SNAP91: variants seen among roughly 807,000 people sequenced by gnomAD.
SNAP91 encodes the protein synaptosome associated protein 91.
A neutral mutation model predicts 100.3 loss-of-function variants in SNAP91; 27 were observed. The ratio of observed to expected loss-of-function variants is 0.27; its 90% CI spans 0.20 to 0.37. The LOEUF is 0.37. SNAP91 is among the 10% of genes least tolerant of loss of function. The probability of loss-of-function intolerance (pLI) is 1.00; values close to 1 mark genes in which losing one functional copy is unlikely to be tolerated. For synonymous variants in SNAP91, 404 were observed against 398.6 expected, an observed-to-expected ratio of 1.01 and a Z score of -0.16; for missense variants, 986 against 1,123.7, an observed-to-expected ratio of 0.88 and a Z score of 1.75.
At chr6:83,607,329 TTGTGTGTGTGTGTGTGTG>T (rs61335064) in intron 13 of SNAP91, among the ~76,000 whole-genome samples, 11 of 144,792 alleles carry the variant, frequency 7.6e-5, no homozygotes, top group African/African-American at 1.3e-4. Context: ...CCAAGTTGGG[TTGTGTGTGTGTGTGTGTG>T]TGTGTGTGTG....
At chr6:83,621,054 G>A (rs1374623008) in intron 9 of SNAP91, among the ~76,000 whole-genome samples, 1 of 63,952 alleles carries the variant, frequency 1.6e-5, no homozygotes, top group Non-Finnish European at 3.0e-5. Flanking sequence ...AAATCTTTTA[G>A]GGTTGGGGAT....
intron 2 of SNAP91, chr6:83,678,941 A>C: frequency 9.5e-7 from 1 of 1,052,038 alleles, no homozygotes; most frequent in South Asian, 2.1e-5. Context: ...ATAATATCTA[A>C]GTGAAATGAA....
chr6:83,659,602 A>T (rs2098492608), intron 5 of SNAP91, among the ~76,000 whole-genome samples: 1 of 151,544 alleles, frequency 6.6e-6, no homozygotes, highest in Non-Finnish European at 1.5e-5. Context: ...TTTTTAAAAA[A>T]TTTGTTTTGG....
At chr6:83,602,343 T>C (rs2095313050) in intron 14 of SNAP91, among the ~76,000 whole-genome samples, 1 of 152,160 alleles carries the variant, frequency 6.6e-6, no homozygotes, top group Non-Finnish European at 1.5e-5. Context: ...AAAATGTGTG[T>C]TGGTACCTAT....
At position 83,561,608 on chromosome 6, in the gene SNAP91, A is replaced by AACTT. The variant is rs1224338321; in HGVS notation, c.2443-665_2443-662dup. The stretch of plus-strand genomic sequence containing the variant: ...ACCCATCCTCCCTGGAAATGAGTCA[A>AACTT]ACTTCCCTAAGCTTGTCTTTTCCTA... On this transcript the variant is annotated intron_variant, in intron 26 of 29. Coordinates refer to ENST00000369694, the MANE Select transcript of SNAP91 (RefSeq NM_001242792.2). Among the ~76,000 whole-genome samples, 10 of 152,178 alleles carry AACTT rather than the reference A, an allele frequency of 6.6e-5. 1 individual carries two copies. Among genetic ancestry groups the AACTT allele is most frequent in the Admixed American group, 5.9e-4 (9 of 15,268 alleles).
intron 2 of SNAP91, among the ~76,000 whole-genome samples, chr6:83,672,983 T>A (rs1015724523): frequency 6.6e-6 from 1 of 152,112 alleles, no homozygotes; most frequent in Non-Finnish European, 1.5e-5. Flanking sequence ...ATAATCATCT[T>A]GTAAACTTGA....
chr6:83,705,570 CA>C (rs971311186), intron 2 of SNAP91, among the ~76,000 whole-genome samples: 1 of 152,018 alleles, frequency 6.6e-6, no homozygotes, highest in Non-Finnish European at 1.5e-5. Flanking sequence ...TTTGGGAGGC[CA>C]AGGTGGGCAG....
intron 2 of SNAP91, among the ~76,000 whole-genome samples, chr6:83,695,175 G>A (rs1298395424): frequency 6.6e-6 from 1 of 150,748 alleles, no homozygotes; most frequent in Non-Finnish European, 1.5e-5. Context: ...TACTAGGGAG[G>A]CTGAGAGAGG....
chr6:83,559,365 A>G (rs1783669835), intron 28 of SNAP91, among the ~76,000 whole-genome samples: 1 of 152,218 alleles, frequency 6.6e-6, no homozygotes, highest in Non-Finnish European at 1.5e-5. Context: ...CTGCATGTGT[A>G]CTGTCACATG....
chr6:83,604,011 T>C (rs1263585348), intron 14 of SNAP91, among the ~76,000 whole-genome samples: 1 of 152,236 alleles, frequency 6.6e-6, no homozygotes, highest in African/African-American at 2.4e-5. Flanking sequence ...AAATGTTATA[T>C]TGCAATTCAA....
chr6:83,585,407 C>G (rs528866426), intron 22 of SNAP91, among the ~76,000 whole-genome samples: 7 of 152,056 alleles, frequency 4.6e-5, no homozygotes, highest in Admixed American at 2.0e-4. Context: ...CATGTGCCTG[C>G]AGTCCCAGCT....
intron 2 of SNAP91, among the ~76,000 whole-genome samples, chr6:83,673,747 C>T (rs2098821281): frequency 6.6e-6 from 1 of 152,212 alleles, no homozygotes; most frequent in Admixed American, 6.6e-5. Context: ...TCTTTGCCAG[C>T]AGAATCCTGC....
At chr6:83,601,511 AT>A in intron 15 of SNAP91, 73 bp from the exon 16 acceptor site, 1 of 1,610,710 alleles carries the variant, frequency 6.2e-7, no homozygotes. Flanking sequence ...CAGACTCCAA[AT>A]GATCAAAATA....
rs752134395 is a variant in SNAP91 at position 83,617,051 on chromosome 6, A to C, written c.808-12T>G. ...AGACTGCTGGGAGCCTACAATAAGAAAGTAAAAATAAATGTCTGCATTGTT... is the reference window on the plus strand; with the variant it reads ...AGACTGCTGGGAGCCTACAATAAGACAGTAAAAATAAATGTCTGCATTGTT... On this transcript the variant is annotated splice_polypyrimidine_tract_variant and intron_variant, in intron 9 of 29. Transcript: ENST00000369694. 4.6e-6 allele frequency: 7 copies of C among 1,517,206 alleles called. No homozygotes were observed. The South Asian group carries it at 8.6e-5, about 19-fold the overall frequency. The allele number at this position is 1,517,206 out of a possible 1,614,324, so 94.0% of individuals were successfully genotyped here.
chr6:83,684,678 A>G (rs1046778037), intron 2 of SNAP91, among the ~76,000 whole-genome samples: 6 of 152,342 alleles, frequency 3.9e-5, no homozygotes, highest in African/African-American at 1.4e-4. Context: ...AGTGGATATG[A>G]AACAAGTCTT....
chr6:83,583,693 A>G (rs3798875), intron 22 of SNAP91, among the ~76,000 whole-genome samples: 69,002 of 151,934 alleles, frequency 0.45, 15,833 homozygotes, highest in South Asian at 0.51. Flanking sequence ...ATCCAGCCAC[A>G]TTGTCTCTTC....
Position 83,707,847 on chromosome 6 carries a change from G to A in SNAP91, c.81C>T (p.Cys27=), listed in dbSNP as rs1288437780. 1.2e-6 allele frequency: 2 copies of A among 1,613,052 alleles called. No homozygotes were observed. Residue 27 remains cysteine, a synonymous_variant, in exon 2 of 30, where the codon TGC becomes TGT. Transcript: ENST00000369694. ...VTGSAVARAV[C]KATTHEVMGP... ...CCATTACTTCATGAGTAGTGGCTTT[G>A]CAGACCGCTCTTGCTACAGCAGAGC...
intron 2 of SNAP91, among the ~76,000 whole-genome samples, chr6:83,685,306 C>G (rs1248303221): frequency 6.6e-6 from 1 of 152,140 alleles, no homozygotes; most frequent in Non-Finnish European, 1.5e-5. Context: ...GGAAAAAATC[C>G]TGCTTCTGGC....
chr6:83,626,037 G>A (rs1246068029), intron 8 of SNAP91, among the ~76,000 whole-genome samples: 1 of 151,982 alleles, frequency 6.6e-6, no homozygotes, highest in Non-Finnish European at 1.5e-5. Flanking sequence ...TTTATATGTG[G>A]TGTTAGGTGG....
Sources: gnomAD v4.1 joint callset for allele counts (sites outside exome capture counted in the v4.1 genomes callset) on GRCh38, gnomAD v4.1.1 for gene constraint, MANE v1.5 for transcripts, NCBI Gene and HGNC (gene_info 2026-07-23, HGNC 2026-07-21) for gene names.